MKNK1: variants seen among roughly 807,000 people sequenced by gnomAD.
The protein encoded by MKNK1 is MAPK interacting serine/threonine kinase 1.
Under a neutral mutation model 49.3 loss-of-function variants are expected in MKNK1, and 30 were observed. The observed-to-expected ratio is 0.61, with a 90% CI of 0.46 to 0.83. The LOEUF (loss-of-function observed/expected upper bound fraction) is 0.83, where lower values mean the gene tolerates loss of function less well. MKNK1 is among the 40% of genes least tolerant of loss of function. The pLI is 0.00. For synonymous variants in MKNK1, 176 were observed against 201.7 expected (o/e 0.87, Z 1.08); for missense variants, 423 against 524.7 (o/e 0.81, Z 1.89).
intron 12 of MKNK1, chr1:46,559,803 C>T: frequency 5.9e-6 from 1 of 170,658 alleles, no homozygotes; most frequent in Non-Finnish European, 1.3e-5. Flanking sequence ...GCCACCATGC[C>T]TGGCCATGGT....
intron 6 of MKNK1, 154 bp downstream of exon 6, chr1:46,574,793 C>G (rs375947725): frequency 3.4e-6 from 2 of 585,560 alleles, no homozygotes; most frequent in South Asian, 4.7e-5. Context: ...TCATCCTTCC[C>G]TCCGGCCTCC....
chr1:46,604,183 A>G lies in MKNK1; in HGVS notation c.-171+2T>C, dbSNP rs1570368952. ...GGAATACCTCGCAGGTCTCGCTTTT[A>G]CCTTCGCTGGCTCCCGCCGGGGAGC... On this transcript the variant is annotated splice_donor_variant, in intron 1 of 12. Transcript: ENST00000371945. LOFTEE classifies it low-confidence loss of function (5UTR_SPLICE). 1 of 152,334 alleles carries G rather than the reference A, an allele frequency of 6.6e-6. No homozygotes were observed. The highest frequency in any genetic ancestry group is 1.9e-4 in the East Asian group (1 of 5,176). The allele number at this position is 152,334 out of a possible 1,614,324, so 9.4% of individuals were successfully genotyped here.
chr1:46,594,074 T>C, intron 2 of MKNK1, 39 bp downstream of exon 2: 1 of 1,494,362 alleles, frequency 6.7e-7, no homozygotes. Context: ...CAATTTGAAG[T>C]AATCTAAAAG....
Position 46,558,815 on chromosome 1 carries a change from G to A in MKNK1, c.1014-15C>T, listed in dbSNP as rs1557816052. 2.5e-6 allele frequency: 4 copies of A among 1,608,124 alleles called. No homozygotes were observed. In the Admixed American group the frequency reaches 6.7e-5, roughly 27 times the overall value. ...TGCTGCTGTTCCTGCAGGGCCAGGG[G>A]AAAGCACAGAAAAGAGGGTCAGGAC... On this transcript the variant is annotated splice_polypyrimidine_tract_variant and intron_variant, in intron 12 of 12. Transcript: ENST00000371945.
intron 2 of MKNK1, chr1:46,584,661 T>C (rs1060478): frequency 0.095 from 14,487 of 152,218 alleles, 924 homozygotes; most frequent in Non-Finnish European, 0.14. Context: ...GTCCATACAC[T>C]GTTCTCAGAC....
rs536908870 is a variant in MKNK1 at position 46,590,432 on chromosome 1, G to A, written c.-3+3681C>T. 7.2e-5 allele frequency among the ~76,000 whole-genome samples: 11 copies of A among 152,128 alleles called. No homozygotes were observed. The South Asian group carries it at 8.3e-4, about 11-fold the overall frequency. On this transcript the variant is annotated intron_variant, in intron 2 of 12. Transcript: ENST00000371945. The stretch of plus-strand genomic sequence containing the variant: ...GCAGCATTCTAAGCACTTTACCAAC[G>A]CTACACTTTACATATACTAACTTAT...
intron 8 of MKNK1, 129 bp from the exon 9 acceptor site, chr1:46,565,265 G>A (rs1570062862): frequency 1.3e-6 from 1 of 790,352 alleles, no homozygotes; most frequent in Non-Finnish European, 2.2e-6. Flanking sequence ...GGTCATGTTT[G>A]CTCTCCGGAG....
chr1:46,575,168 C>T (rs557868248), intron 5 of MKNK1, 148 bp from the exon 6 acceptor site: 52 of 588,084 alleles, frequency 8.8e-5, no homozygotes, highest in Admixed American at 6.7e-4. Context: ...ATTAAAGACC[C>T]GCGTATGGAA....
intron 1 of MKNK1, among the ~76,000 whole-genome samples, chr1:46,597,291 G>A (rs1014697689): frequency 3.0e-4 from 39 of 130,778 alleles, no homozygotes; most frequent in African/African-American, 1.2e-3. Context: ...TTCTACAGAC[G>A]TTTTAGAGCA....
intron 1 of MKNK1, among the ~76,000 whole-genome samples, chr1:46,601,026 C>T (rs2148784011): frequency 6.6e-6 from 1 of 152,250 alleles, no homozygotes; most frequent in South Asian, 2.1e-4. Flanking sequence ...AAGCGATTCT[C>T]CTGCCTCAGC....
chr1:46,600,336 T>C (rs973108577), intron 1 of MKNK1, among the ~76,000 whole-genome samples: 5 of 152,230 alleles, frequency 3.3e-5, no homozygotes, highest in African/African-American at 1.2e-4. Flanking sequence ...CAGGGTCTTG[T>C]ACATAGCAAG....
chr1:46,568,905 C>G (rs1008455677), intron 7 of MKNK1: 31 of 162,536 alleles, frequency 1.9e-4, no homozygotes, highest in Non-Finnish European at 3.9e-4. Flanking sequence ...TGCTCTACCT[C>G]ATTTCTTCTT....
intron 9 of MKNK1, chr1:46,563,101 A>C: frequency 2.4e-6 from 1 of 418,924 alleles, no homozygotes; most frequent in South Asian, 5.4e-5. Context: ...GTAGGCAAAG[A>C]CCCTTGGCCA....
chr1:46,562,832 T>C lies in MKNK1; in HGVS notation c.621A>G (p.Ala207=). ...CCACTACCTCAGGGGCCATGTATTC[T>C]GCAGAGCCACACTGTGGGGGCCAGG... ...TPELTTPCGS[A]EYMAPEVVEV... Residue 207 remains alanine (A), a synonymous_variant, in exon 10 of 13, where the codon GCA becomes GCG. Coordinates refer to ENST00000371945, the MANE Select transcript of MKNK1 (RefSeq NM_001135553.4). 2.5e-6 allele frequency: 4 copies of C among 1,610,462 alleles called. No individual in the cohort carries two copies. Among genetic ancestry groups the C allele is most frequent in the Non-Finnish European group, 3.4e-6 (4 of 1,178,526 alleles).
chr1:46,574,680 A>G, intron 6 of MKNK1: 1 of 389,876 alleles, frequency 2.6e-6, no homozygotes, highest in Non-Finnish European at 4.6e-6. Flanking sequence ...GGGATTGATA[A>G]ATCGATGACT....
rs1220265933 is a variant in MKNK1 at position 46,582,445 on chromosome 1, C to T, written c.100+783G>A. On this transcript the variant is annotated intron_variant, in intron 3 of 12. Transcript: ENST00000371945. Reference sequence around the variant, plus strand: ...TCCCATATTCCCAACCGATAAAGTGCTTGTTATTGGAACCACTTTACAGAA... The same window carrying T: ...TCCCATATTCCCAACCGATAAAGTGTTTGTTATTGGAACCACTTTACAGAA... 2.0e-5 allele frequency among the ~76,000 whole-genome samples: 3 copies of T among 152,214 alleles called. No individual in the cohort carries two copies. In the East Asian group the frequency reaches 5.8e-4, roughly 29 times the overall value.
In MKNK1 at chr1:46,557,808, C is replaced by T. The variant is rs1327658567; in HGVS notation, c.*767G>A. ...CTAGAAAGAAGAGCAAGCCGTTCCA[C>T]TCTCTGGGAAGTTCATGGGCTTGCA... On this transcript the variant is annotated 3_prime_UTR_variant, in exon 13 of 13. Coordinates refer to ENST00000371945, the MANE Select transcript of MKNK1 (RefSeq NM_001135553.4). 1 of 152,248 alleles carries T rather than the reference C, an allele frequency of 6.6e-6. No homozygotes were observed. The highest frequency in any genetic ancestry group is 1.5e-5 in the Non-Finnish European group (1 of 68,050). 9.4% of individuals were successfully genotyped at this position (152,248 alleles called of 1,614,324 possible). A position where few individuals can be genotyped will look rare whatever the true frequency, so the allele number is the denominator to read the frequency against.
rs375616670 is a variant in MKNK1 at position 46,568,562 on chromosome 1, CAATT to C, written c.458-68_458-65del. The C allele has an allele frequency of 1.3e-4, 194 of 1,474,414 alleles. No individual in the cohort carries two copies. In the East Asian group the frequency reaches 2.0e-3, roughly 15 times the overall value. The allele number at this position is 1,474,414 out of a possible 1,614,324, so 91.3% of individuals were successfully genotyped here. On this transcript the variant is annotated intron_variant, in intron 7 of 12. Transcript: ENST00000371945. ...AGATAATTATCAAACATTCCACACA[CAATT>C]AATTTTTTCCAAATGCTGTAGTTCG... is the stretch of plus-strand genomic sequence containing the variant.
intron 2 of MKNK1, among the ~76,000 whole-genome samples, chr1:46,587,722 CAGG>C (rs1394030249): frequency 6.6e-6 from 1 of 152,174 alleles, no homozygotes; most frequent in African/African-American, 2.4e-5. Context: ...GAGGCTGAGG[CAGG>C]AGAATTGCTT....
Sources: allele counts gnomAD v4.1 joint callset (sites outside exome capture counted in the v4.1 genomes callset), GRCh38; gene constraint gnomAD v4.1.1; transcripts MANE v1.5; gene names NCBI Gene and HGNC (gene_info 2026-07-23, HGNC 2026-07-21).